USP32: variants seen among roughly 807,000 people sequenced by gnomAD.
USP32 encodes ubiquitin specific peptidase 32.
USP32 carries 59 observed loss-of-function variants against 204.8 expected under a neutral mutation model. The ratio of observed to expected loss-of-function variants is 0.29; its 90% CI spans 0.23 to 0.36. The LOEUF is 0.36. Among genes scored for constraint, USP32 ranks in the 10% least tolerant of loss-of-function variants. The probability of loss-of-function intolerance (pLI) is 1.00; values close to 1 mark genes in which losing one functional copy is unlikely to be tolerated. For missense variants in USP32, 1,160 were observed against 1,946.4 expected, an observed-to-expected ratio of 0.60 and a Z score of 7.60; for synonymous variants, 517 against 678.4, an observed-to-expected ratio of 0.76 and a Z score of 3.70.
At chr17:60,236,407 A>T (rs927422007) in intron 11 of USP32, among the ~76,000 whole-genome samples, 167 bp from the exon 12 acceptor site, 2 of 152,220 alleles carry the variant, frequency 1.3e-5, no homozygotes, top group Admixed American at 1.3e-4. Context: ...CTATTGATAA[A>T]CCAATTTCAA....
intron 1 of USP32, among the ~76,000 whole-genome samples, chr17:60,420,825 AT>A (rs1226586782): frequency 6.6e-6 from 1 of 152,238 alleles, no homozygotes; most frequent in African/African-American, 2.4e-5. Context: ...CTATGCATAT[AT>A]AAATATATAT....
chr17:60,275,864 A>AC (rs2086827480), intron 5 of USP32, among the ~76,000 whole-genome samples: 1 of 151,618 alleles, frequency 6.6e-6, no homozygotes, highest in South Asian at 2.1e-4. Flanking sequence ...GGCACCTGCC[A>AC]CCATGCCTGG....
chr17:60,353,424 T>C (rs2088998571), intron 1 of USP32, among the ~76,000 whole-genome samples: 1 of 152,170 alleles, frequency 6.6e-6, no homozygotes, highest in South Asian at 2.1e-4. Context: ...GTACCAATGG[T>C]AAATAGACCA....
At chr17:60,258,914 A>G (rs539996517) in intron 9 of USP32, among the ~76,000 whole-genome samples, 1 of 152,366 alleles carries the variant, frequency 6.6e-6, no homozygotes, top group African/African-American at 2.4e-5. Flanking sequence ...CTTTAAAAAT[A>G]CACATGGGAA....
Position 60,198,416 on chromosome 17 carries a change from G to A in USP32, c.3278C>T (p.Ser1093Phe), listed in dbSNP as rs1370843217. Residue 1093 changes from serine to phenylalanine, a missense_variant, in exon 27 of 34, where the codon TCT becomes TTT. Coordinates refer to ENST00000300896, the MANE Select transcript of USP32 (RefSeq NM_032582.4). Reference protein sequence around the residue: ...MMRTELYFLSSQKNRPSLFGM... With the variant: ...MMRTELYFLSFQKNRPSLFGM... ...AAAGAGGCTGGGGCGATTCTTCTGA[G>A]ATGACAGGAAATACAGTTCTGTCCT... The A allele has an allele frequency of 1.9e-6, 3 of 1,614,050 alleles. No individual in the cohort carries two copies. Among genetic ancestry groups the A allele is most frequent in the Non-Finnish European group, 2.5e-6 (3 of 1,180,026 alleles).
At chr17:60,260,500 G>A (rs1369302525) in intron 9 of USP32, among the ~76,000 whole-genome samples, 3 of 150,060 alleles carry the variant, frequency 2.0e-5, no homozygotes, top group African/African-American at 7.5e-5. Flanking sequence ...TCCAGCCTGG[G>A]TGACAAGAGC....
chr17:60,352,669 G>A (rs1056040607), intron 1 of USP32, among the ~76,000 whole-genome samples: 2 of 152,160 alleles, frequency 1.3e-5, no homozygotes, highest in African/African-American at 4.8e-5. Flanking sequence ...AAACAAGACT[G>A]GGAAAAGGTC....
At chr17:60,288,767 G>A (rs2087189148) in intron 4 of USP32, 85 bp from the exon 5 acceptor site, 2 of 1,139,404 alleles carry the variant, frequency 1.8e-6, no homozygotes, top group East Asian at 5.0e-5. Flanking sequence ...TTTGCAATTA[G>A]TTGGCAATTA....
intron 12 of USP32, among the ~76,000 whole-genome samples, chr17:60,228,612 G>A (rs1229595973): frequency 6.7e-6 from 1 of 150,054 alleles, no homozygotes; most frequent in Non-Finnish European, 1.5e-5. Context: ...GCTCAGGAGA[G>A]TTGGAGACCA....
At chr17:60,372,224 AG>A (rs2089455312) in intron 1 of USP32, among the ~76,000 whole-genome samples, 1 of 152,254 alleles carries the variant, frequency 6.6e-6, no homozygotes, top group Non-Finnish European at 1.5e-5. Context: ...GAAAATGCCA[AG>A]GAAAATTAAG....
chr17:60,366,768 T>C (rs1192877782), intron 1 of USP32, among the ~76,000 whole-genome samples: 1 of 151,840 alleles, frequency 6.6e-6, no homozygotes, highest in East Asian at 1.9e-4. Context: ...TTCATGCTGC[T>C]TTTCTTGAAG....
At chr17:60,324,714 T>C (rs1320499006) in intron 2 of USP32, among the ~76,000 whole-genome samples, 1 of 152,152 alleles carries the variant, frequency 6.6e-6, no homozygotes, top group African/African-American at 2.4e-5. Flanking sequence ...ACTAAAAAAC[T>C]GTTATAGGCC....
At chr17:60,270,100 A>G (rs1043550577) in intron 6 of USP32, among the ~76,000 whole-genome samples, 3 of 152,244 alleles carry the variant, frequency 2.0e-5, no homozygotes, top group South Asian at 2.1e-4. Flanking sequence ...TCTTTTATAC[A>G]TGAATATTTT....
chr17:60,399,512 A>T (rs1446905692), intron 1 of USP32, among the ~76,000 whole-genome samples: 1 of 151,708 alleles, frequency 6.6e-6, no homozygotes, highest in Non-Finnish European at 1.5e-5. Flanking sequence ...AAAAAAAAAA[A>T]TTTAGCTGGG....
intron 1 of USP32, among the ~76,000 whole-genome samples, chr17:60,407,828 T>C (rs1247990880): frequency 1.4e-5 from 2 of 144,386 alleles, no homozygotes; most frequent in East Asian, 4.1e-4. Context: ...CCGGGTGCAG[T>C]GGCTCACGCA....
intron 1 of USP32, among the ~76,000 whole-genome samples, chr17:60,357,289 A>T (rs111605710): frequency 1.0e-3 from 153 of 152,190 alleles, no homozygotes; most frequent in African/African-American, 3.3e-3. Context: ...CATCTCTACA[A>T]AAAATAAATA....
At chr17:60,420,457 C>A (rs934244454) in intron 1 of USP32, among the ~76,000 whole-genome samples, 2 of 152,078 alleles carry the variant, frequency 1.3e-5, no homozygotes. Context: ...CACCTGAAGT[C>A]GGGAGTTAGA....
At chr17:60,319,166 T>C (rs902203543) in intron 2 of USP32, among the ~76,000 whole-genome samples, 3 of 152,156 alleles carry the variant, frequency 2.0e-5, no homozygotes, top group Non-Finnish European at 2.9e-5. Flanking sequence ...AAAAAGATAG[T>C]GGTGATGGCT....
intron 1 of USP32, among the ~76,000 whole-genome samples, chr17:60,376,481 G>A (rs1292439622): frequency 1.3e-5 from 2 of 151,474 alleles, no homozygotes; most frequent in Admixed American, 6.6e-5. Flanking sequence ...ACAAAGCCAC[G>A]CAGTGAAATG....
Sources: gnomAD v4.1 joint callset for allele counts (sites outside exome capture counted in the v4.1 genomes callset) on GRCh38, gnomAD v4.1.1 for gene constraint, MANE v1.5 for transcripts, NCBI Gene and HGNC (gene_info 2026-07-23, HGNC 2026-07-21) for gene names.